Variants in SLC13A4 observed in about 807,000 individuals in gnomAD.
The protein encoded by SLC13A4 is solute carrier family 13 member 4.
A neutral mutation model predicts 72.7 loss-of-function variants in SLC13A4; 28 were observed. That is an observed-to-expected ratio of 0.39 (90% CI 0.29 to 0.53). The LOEUF (loss-of-function observed/expected upper bound fraction) is 0.53. Among genes scored for constraint, SLC13A4 ranks in the 20% least tolerant of loss-of-function variants. The pLI, the probability that SLC13A4 is intolerant of heterozygous loss-of-function variation, is 0.78. For missense variants in SLC13A4, 653 were observed against 788.0 expected (o/e 0.83, Z 2.05); for synonymous variants, 312 against 325.5 (o/e 0.96, Z 0.45).
intron 8 of SLC13A4, among the ~76,000 whole-genome samples, chr7:135,697,210 A>T (rs569921092): frequency 6.6e-6 from 1 of 152,370 alleles, no homozygotes; most frequent in South Asian, 2.1e-4. Context: ...CCATGACCCC[A>T]GCGCTGCAGG....
intron 5 of SLC13A4, 128 bp downstream of exon 5, chr7:135,705,468 T>TTGGGGGGGGGGGGGGGGTG (rs1796138668): frequency 1.7e-6 from 1 of 604,688 alleles, no homozygotes; most frequent in Non-Finnish European, 2.6e-6. Flanking sequence ...GGTGGGGGGG[T>TTGGGGGGGGGGGGGGGGTG]GGTGTGGCAA....
Position 135,707,848 on chromosome 7 carries a change from C to T in SLC13A4, c.365+266G>A, listed in dbSNP as rs568118879. ...GTCCATCCTGTTTTACCTGATGGGC[C>T]CCTATATGTTGTAAGCTGCTGCCCT... On this transcript the variant is annotated intron_variant, in intron 3 of 15. Coordinates refer to ENST00000682651, the MANE Select transcript of SLC13A4 (RefSeq NM_001318192.2). 2.7e-4 allele frequency: 93 copies of T among 346,406 alleles called. 1 individual carries two copies. In the South Asian group the frequency reaches 8.8e-3, roughly 33 times the overall value. 21.5% of individuals were successfully genotyped at this position (346,406 alleles called of 1,614,324 possible).
Position 135,692,357 on chromosome 7 carries a change from C to G in SLC13A4, c.1189G>C (p.Gly397Arg). 1 of 1,614,018 alleles carries G rather than the reference C, an allele frequency of 6.2e-7. No individual in the cohort carries two copies. The highest frequency in any genetic ancestry group is 8.5e-7 in the Non-Finnish European group (1 of 1,179,940). ...MTVLWFTREP[G>R]FVPGWDSFFE... ...AAAGAATCCCAGCCAGGGACAAAGCCAGGCTCCCGGGTAAACCACAGTACG... is the reference window on the plus strand; with the variant it reads ...AAAGAATCCCAGCCAGGGACAAAGCGAGGCTCCCGGGTAAACCACAGTACG... The change falls in exon 11 of 16, where the codon GGC becomes CGC. Residue 397 changes from glycine to arginine, a missense_variant. Gly to Arg is a moderately radical substitution (Grantham distance 125, BLOSUM62 -2). Transcript: ENST00000682651.
intron 8 of SLC13A4, among the ~76,000 whole-genome samples, chr7:135,698,546 G>T (rs1201270716): frequency 6.7e-6 from 1 of 149,532 alleles, no homozygotes; most frequent in African/African-American, 2.5e-5. Context: ...TGTTGGCCAG[G>T]CTGGTCTTGA....
At chr7:135,682,534 G>T (rs117098952) in intron 15 of SLC13A4, among the ~76,000 whole-genome samples, 1 of 152,236 alleles carries the variant, frequency 6.6e-6, no homozygotes, top group African/African-American at 2.4e-5. Flanking sequence ...ATGGCTAGAC[G>T]TGTCCTCTCT....
At chr7:135,716,189 C>A (rs1022551455) in intron 2 of SLC13A4, among the ~76,000 whole-genome samples, 4 of 149,088 alleles carry the variant, frequency 2.7e-5, no homozygotes, top group African/African-American at 9.8e-5. Flanking sequence ...CTTAAGTCTT[C>A]TCTTCATTCC....
Position 135,727,800 on chromosome 7 carries a change from G to C in SLC13A4, c.-304C>G. 2.9e-6 allele frequency: 1 copy of C among 343,568 alleles called. No homozygotes were observed. Among genetic ancestry groups the C allele is most frequent in the Non-Finnish European group, 5.3e-6 (1 of 190,176 alleles). 21.3% of individuals were successfully genotyped at this position (343,568 alleles called of 1,614,324 possible). ...CCTCCTCTCGGCTTGATTAGTAATA[G>C]AGTAACTTCATTCTAGGTGTCAGCA... On this transcript the variant is annotated 5_prime_UTR_variant, in exon 1 of 16. Coordinates refer to ENST00000682651, the MANE Select transcript of SLC13A4 (RefSeq NM_001318192.2).
chr7:135,691,184 CAG>C lies in SLC13A4; in HGVS notation c.1446+15_1446+16del, dbSNP rs774316251. ...CTCAAAAAAAAAAACCCCAAAAAAACAGAATTCAAGAATTACCTTGCTACCAG... is the reference window on the plus strand; with the variant it reads ...CTCAAAAAAAAAAACCCCAAAAAAACAATTCAAGAATTACCTTGCTACCAG... On this transcript the variant is annotated intron_variant, in intron 13 of 15. Transcript: ENST00000682651. 8 of 1,558,312 alleles carry C rather than the reference CAG, an allele frequency of 5.1e-6. No homozygotes were observed. The African/African-American group carries it at 7.0e-5, about 14-fold the overall frequency.
intron 2 of SLC13A4, among the ~76,000 whole-genome samples, chr7:135,718,094 CGCGCGCACGCGT>C (rs766449010): frequency 2.1e-4 from 32 of 151,478 alleles, no homozygotes; most frequent in Non-Finnish European, 3.4e-4. Context: ...CACACGCGCG[CGCGCGCACGCGT>C]GCGCGCTAGT....
At chr7:135,723,779 T>C (rs900826007) in intron 1 of SLC13A4, among the ~76,000 whole-genome samples, 5 of 152,018 alleles carry the variant, frequency 3.3e-5, no homozygotes, top group Non-Finnish European at 7.4e-5. Context: ...GATTATGGGA[T>C]TGGGGTTTGA....
At chr7:135,710,581 G>A (rs1365871496) in intron 2 of SLC13A4, among the ~76,000 whole-genome samples, 1 of 148,472 alleles carries the variant, frequency 6.7e-6, no homozygotes, top group East Asian at 2.1e-4. Context: ...GTGGGACTTG[G>A]TAGGGGGGGA....
chr7:135,712,373 G>A (rs1245875828), intron 2 of SLC13A4, among the ~76,000 whole-genome samples: 1 of 150,934 alleles, frequency 6.6e-6, no homozygotes, highest in Non-Finnish European at 1.5e-5. Flanking sequence ...CACTGAGTGG[G>A]GAAGAGGGAG....
chr7:135,720,558 A>T (rs78774674), intron 2 of SLC13A4, among the ~76,000 whole-genome samples: 1 of 91,860 alleles, frequency 1.1e-5, no homozygotes, highest in Non-Finnish European at 2.3e-5. Flanking sequence ...TTTCATTAAA[A>T]AAAAAAAAAA....
chr7:135,716,689 A>C (rs553450741), intron 2 of SLC13A4, among the ~76,000 whole-genome samples: 1 of 152,184 alleles, frequency 6.6e-6, no homozygotes, highest in Admixed American at 6.5e-5. Flanking sequence ...GAATCATACA[A>C]TCTTGGATTC....
intron 3 of SLC13A4, 161 bp downstream of exon 3, chr7:135,707,953 G>A (rs1028283065): frequency 2.7e-6 from 2 of 744,580 alleles, no homozygotes; most frequent in African/African-American, 1.8e-5. Context: ...ATGATCACAG[G>A]CCCTCTCCCT....
At chr7:135,718,019 G>A (rs1355494954) in intron 2 of SLC13A4, among the ~76,000 whole-genome samples, 1 of 151,626 alleles carries the variant, frequency 6.6e-6, no homozygotes, top group Non-Finnish European at 1.5e-5. Flanking sequence ...CTTGCAAGTG[G>A]CAGCTCATGG....
At chr7:135,702,806 C>A in intron 6 of SLC13A4, 39 bp downstream of exon 6, 1 of 1,583,804 alleles carries the variant, frequency 6.3e-7, no homozygotes, top group Non-Finnish European at 8.7e-7. Context: ...GAGGGATTTT[C>A]AAGTGATTCC....
chr7:135,719,787 G>A (rs1302776982), intron 2 of SLC13A4, among the ~76,000 whole-genome samples: 1 of 138,552 alleles, frequency 7.2e-6, no homozygotes, highest in Non-Finnish European at 1.5e-5. Flanking sequence ...CCACATGTGT[G>A]TGTGTGTGTG....
intron 3 of SLC13A4, 175 bp downstream of exon 3, chr7:135,707,939 C>T (rs1216066990): frequency 3.0e-6 from 2 of 677,790 alleles, no homozygotes; most frequent in Non-Finnish European, 4.9e-6. Context: ...TAAATCTCTA[C>T]TCCATGATCA....
Sources: allele counts gnomAD v4.1 joint callset (sites outside exome capture counted in the v4.1 genomes callset), GRCh38; gene constraint gnomAD v4.1.1; transcripts MANE v1.5; gene names NCBI Gene and HGNC (gene_info 2026-07-23, HGNC 2026-07-21).